DSTN: variants seen among roughly 807,000 people sequenced by gnomAD.
DSTN encodes the protein destrin.
In DSTN, 10 loss-of-function variants were observed where a neutral mutation model predicts 16.8. That is an observed-to-expected ratio of 0.60 (90% CI 0.37 to 1.01). DSTN has a LOEUF of 1.01. Ranked by LOEUF, DSTN falls within the 50% of genes least tolerant of loss-of-function variation. The pLI, the probability that DSTN is intolerant of heterozygous loss-of-function variation, is 0.01. For missense variants in DSTN, 141 were observed against 196.7 expected, an observed-to-expected ratio of 0.72 and a Z score of 1.69; for synonymous variants, 57 against 58.9, an observed-to-expected ratio of 0.97 and a Z score of 0.14.
rs1007822295 is a variant in DSTN, at chr20:17,609,176, G to T, written c.*2030G>T. The T allele has an allele frequency of 1.3e-5, 2 of 152,212 alleles. No individual in the cohort carries two copies. Among genetic ancestry groups the T allele is most frequent in the Non-Finnish European group, 2.9e-5 (2 of 68,034 alleles). 9.4% of individuals were successfully genotyped at this position (152,212 alleles called of 1,614,324 possible). The stretch of plus-strand genomic sequence containing the variant: ...GCTTGTCATTCATCCTGAATTGCTT[G>T]TTTCTTTACTTTGTAGCAATGCTTT... On this transcript the variant is annotated 3_prime_UTR_variant, in exon 4 of 4. Coordinates refer to ENST00000246069, the MANE Select transcript of DSTN (RefSeq NM_006870.4).
At chr20:17,599,855 C>CAG (rs1432510224) in intron 1 of DSTN, 2 of 152,232 alleles carry the variant, frequency 1.3e-5, no homozygotes, top group Non-Finnish European at 2.9e-5. Context: ...CCATGACTGG[C>CAG]AGAGCCTCCT....
chr20:17,609,695 C>T lies in DSTN; in HGVS notation c.*2549C>T, dbSNP rs1030715668. 6.6e-6 allele frequency: 1 copy of T among 152,162 alleles called. No homozygotes were observed. The highest frequency in any genetic ancestry group is 1.5e-5 in the Non-Finnish European group (1 of 68,028). 9.4% of individuals were successfully genotyped at this position (152,162 alleles called of 1,614,324 possible). A position where few individuals can be genotyped will look rare whatever the true frequency, so the allele number is the denominator to read the frequency against. On this transcript the variant is annotated 3_prime_UTR_variant, in exon 4 of 4. Coordinates refer to ENST00000246069, the MANE Select transcript of DSTN (RefSeq NM_006870.4). ...CCCAAGAATTGTGCTAACAAGCACT[C>T]AAGGCGATTCTGGTACATAATTAGG...
At chr20:17,599,166 A>T (rs966591813) in intron 1 of DSTN, 1 of 152,264 alleles carries the variant, frequency 6.6e-6, no homozygotes, top group African/African-American at 2.4e-5. Flanking sequence ...TTTGTCATGC[A>T]CCTGCAGCCC....
chr20:17,587,951 G>A (rs2035429395), intron 1 of DSTN, among the ~76,000 whole-genome samples: 1 of 152,164 alleles, frequency 6.6e-6, no homozygotes, highest in Non-Finnish European at 1.5e-5. Flanking sequence ...ATATTAGACA[G>A]TGCAGAAAAG....
At position 17,587,753 on chromosome 20, in the gene DSTN, T is replaced by C. The variant is rs201297618; in HGVS notation, c.4-12985T>C. 2.6e-5 allele frequency among the ~76,000 whole-genome samples: 4 copies of C among 152,178 alleles called. No homozygotes were observed. The East Asian group carries it at 5.8e-4, about 22-fold the overall frequency. On this transcript the variant is annotated intron_variant, in intron 1 of 3. Transcript: ENST00000246069. ...CAGGCATCAATCAAGCTAAATAATATATTGTTTTCTGAGGCAGAAAACTAT... is the reference window on the plus strand; with the variant it reads ...CAGGCATCAATCAAGCTAAATAATACATTGTTTTCTGAGGCAGAAAACTAT...
At chr20:17,575,983 A>G (rs2035274100) in intron 1 of DSTN, among the ~76,000 whole-genome samples, 1 of 152,230 alleles carries the variant, frequency 6.6e-6, no homozygotes, top group Non-Finnish European at 1.5e-5. Context: ...GTTGGAAGTG[A>G]GAAGTTTTCA....
intron 1 of DSTN, among the ~76,000 whole-genome samples, chr20:17,581,392 G>A (rs1001112318): frequency 4.6e-5 from 7 of 152,152 alleles, no homozygotes; most frequent in African/African-American, 1.7e-4. Flanking sequence ...GCTGAAGCAG[G>A]AGATTACTTG....
At chr20:17,588,865 T>C (rs2122184745) in intron 1 of DSTN, among the ~76,000 whole-genome samples, 1 of 152,298 alleles carries the variant, frequency 6.6e-6, no homozygotes, top group East Asian at 1.9e-4. Context: ...AAGGATTTAG[T>C]AAGGCATGAC....
In DSTN at chr20:17,607,459, C is replaced by A; in HGVS notation, c.*313C>A. 4.2e-6 allele frequency: 1 copy of A among 240,028 alleles called. No homozygotes were observed. The highest frequency in any genetic ancestry group is 7.9e-6 in the Non-Finnish European group (1 of 126,088). 14.9% of individuals were successfully genotyped at this position (240,028 alleles called of 1,614,324 possible). A position where few individuals can be genotyped will look rare whatever the true frequency, so the allele number is the denominator to read the frequency against. ...AAAGGCCATGTGAAGAGAATTATTA[C>A]ATCTTTATTAACCTCAGCATTTACT... On this transcript the variant is annotated 3_prime_UTR_variant, in exon 4 of 4. Coordinates refer to ENST00000246069, the MANE Select transcript of DSTN (RefSeq NM_006870.4).
chr20:17,579,663 T>G (rs1568731072), intron 1 of DSTN, among the ~76,000 whole-genome samples: 1 of 152,336 alleles, frequency 6.6e-6, no homozygotes, highest in East Asian at 1.9e-4. Flanking sequence ...CAAGCTTAGA[T>G]CTAATTAGGT....
intron 1 of DSTN, chr20:17,592,061 A>G (rs954964666): frequency 2.0e-6 from 2 of 985,406 alleles, no homozygotes; most frequent in Non-Finnish European, 2.4e-6. Context: ...GCCAGGCTTT[A>G]GGGTTAGTAT....
chr20:17,581,566 T>C (rs780177642), intron 1 of DSTN, among the ~76,000 whole-genome samples: 2 of 152,086 alleles, frequency 1.3e-5, no homozygotes, highest in Non-Finnish European at 2.9e-5. Context: ...TTGTTAATAA[T>C]GAGAGGTGGT....
intron 1 of DSTN, among the ~76,000 whole-genome samples, chr20:17,577,566 C>CA (rs11482902): frequency 0.41 from 59,400 of 145,086 alleles, 12,417 homozygotes; most frequent in East Asian, 0.63. Flanking sequence ...GACCCTGTCT[C>CA]AAAAAAAAAA....
At chr20:17,593,415 G>A (rs926028503) in intron 1 of DSTN, among the ~76,000 whole-genome samples, 122 of 151,922 alleles carry the variant, frequency 8.0e-4, no homozygotes, top group Middle Eastern at 3.2e-3. Context: ...GACAGACACC[G>A]TTTATCTTAA....
chr20:17,577,665 C>G (rs1021889784), intron 1 of DSTN, among the ~76,000 whole-genome samples: 3 of 151,956 alleles, frequency 2.0e-5, no homozygotes, highest in Non-Finnish European at 2.9e-5. Flanking sequence ...TATGTATATA[C>G]TTTTAACTTT....
intron 1 of DSTN, among the ~76,000 whole-genome samples, chr20:17,593,020 A>G (rs1045902060): frequency 2.6e-5 from 4 of 152,158 alleles, no homozygotes; most frequent in Non-Finnish European, 5.9e-5. Flanking sequence ...TACTCTTTTT[A>G]AAAATATCCA....
At chr20:17,596,531 A>T (rs1256245950) in intron 1 of DSTN, 2 of 657,978 alleles carry the variant, frequency 3.0e-6, no homozygotes, top group Non-Finnish European at 1.9e-6. Flanking sequence ...TCATTCAGCT[A>T]TATTGGTTTG....
intron 1 of DSTN, chr20:17,596,924 A>G: frequency 1.6e-6 from 1 of 639,504 alleles, no homozygotes; most frequent in African/African-American, 2.0e-5. Context: ...AGATGCTTAG[A>G]TATTGATTGA....
At chr20:17,596,149 C>T (rs1386883497) in intron 1 of DSTN, among the ~76,000 whole-genome samples, 1 of 152,184 alleles carries the variant, frequency 6.6e-6, no homozygotes, top group Non-Finnish European at 1.5e-5. Context: ...TTCTCCCTTG[C>T]TTCTAAGATG....
Sources: allele counts gnomAD v4.1 joint callset (sites outside exome capture counted in the v4.1 genomes callset), GRCh38; gene constraint gnomAD v4.1.1; transcripts MANE v1.5; gene names NCBI Gene and HGNC (gene_info 2026-07-23, HGNC 2026-07-21).